The following SV2C variants were observed in gnomAD, a reference collection of about 807,000 sequenced individuals.
The protein encoded by SV2C is solute carrier family 22 member B3.
SV2C carries 49 observed loss-of-function variants against 79.7 expected under a neutral mutation model. That is an observed-to-expected ratio of 0.61 (90% CI 0.49 to 0.78). The LOEUF (loss-of-function observed/expected upper bound fraction) is 0.78. Among genes scored for constraint, SV2C ranks in the 30% least tolerant of loss-of-function variants. The pLI is 0.00. For missense variants in SV2C, 833 were observed against 912.9 expected, an observed-to-expected ratio of 0.91 and a Z score of 1.13; for synonymous variants, 334 against 333.2, an observed-to-expected ratio of 1.00 and a Z score of -0.03.
At chr5:76,325,049 CCAA>C (rs1371467933) in intron 12 of SV2C, among the ~76,000 whole-genome samples, 6 of 152,154 alleles carry the variant, frequency 3.9e-5, no homozygotes, top group Admixed American at 2.6e-4. Context: ...ACCCTTCCTT[CCAA>C]CAACGTTAAA....
At chr5:76,310,640 G>A (rs1748404900) in intron 12 of SV2C, among the ~76,000 whole-genome samples, 1 of 152,232 alleles carries the variant, frequency 6.6e-6, no homozygotes, top group Non-Finnish European at 1.5e-5. Context: ...AGGTAATGGT[G>A]CCAATGGAGG....
intron 4 of SV2C, among the ~76,000 whole-genome samples, chr5:76,263,755 T>A (rs192949166): frequency 6.6e-6 from 1 of 152,336 alleles, no homozygotes; most frequent in African/African-American, 2.4e-5. Flanking sequence ...AATTCTGGGT[T>A]AAAAATTCTT....
chr5:75,913,166 T>C, the SV2C span, among the ~76,000 whole-genome samples: 3 of 152,144 alleles, frequency 2.0e-5, no homozygotes, highest in Non-Finnish European at 2.9e-5. Context: ...CTCCAAATGA[T>C]AGTGTTCTAA....
chr5:76,285,463 TA>T (rs1747323157), intron 5 of SV2C, 168 bp downstream of exon 5: 5 of 955,914 alleles, frequency 5.2e-6, no homozygotes, highest in Non-Finnish European at 7.5e-6. Flanking sequence ...AACCAACATG[TA>T]AAAAAGCTGC....
At chr5:75,981,591 A>C in the SV2C span, among the ~76,000 whole-genome samples, 1 of 152,146 alleles carries the variant, frequency 6.6e-6, no homozygotes, top group Admixed American at 6.5e-5. Context: ...ATATGCCACA[A>C]ACCTGACAAA....
At chr5:76,319,591 C>T (rs893780614) in intron 12 of SV2C, among the ~76,000 whole-genome samples, 1 of 152,154 alleles carries the variant, frequency 6.6e-6, no homozygotes, top group African/African-American at 2.4e-5. Context: ...ACTGCCTTTG[C>T]TTGGTAAATG....
intron 2 of SV2C, among the ~76,000 whole-genome samples, chr5:76,179,876 T>C (rs1743665671): frequency 6.6e-6 from 1 of 152,220 alleles, no homozygotes; most frequent in African/African-American, 2.4e-5. Flanking sequence ...TCTTTAGACA[T>C]TTACTGGAAT....
the SV2C span, among the ~76,000 whole-genome samples, chr5:76,035,000 T>A: frequency 6.6e-6 from 1 of 152,184 alleles, no homozygotes; most frequent in Non-Finnish European, 1.5e-5. Context: ...TTGAGGAATT[T>A]ATCCATTTCT....
At chr5:76,155,942 CAAAAAAA>C (rs56340029) in intron 2 of SV2C, among the ~76,000 whole-genome samples, 3 of 58,068 alleles carry the variant, frequency 5.2e-5, no homozygotes, top group East Asian at 5.3e-4. Context: ...AGGTTTCTCT[CAAAAAAA>C]AAAAAAAAAA....
intron 4 of SV2C, among the ~76,000 whole-genome samples, chr5:76,268,613 C>T (rs1213356890): frequency 6.6e-6 from 1 of 152,162 alleles, no homozygotes; most frequent in African/African-American, 2.4e-5. Context: ...GAGACAAGAA[C>T]GCAAACGCTT....
intron 2 of SV2C, among the ~76,000 whole-genome samples, chr5:76,189,359 G>A (rs1744026407): frequency 6.6e-6 from 1 of 152,032 alleles, no homozygotes; most frequent in African/African-American, 2.4e-5. Flanking sequence ...TTGACCTTAA[G>A]AGGATATCAT....
Position 76,252,450 on chromosome 5 carries a change from T to G in SV2C, c.914-32712T>G, listed in dbSNP as rs186267958. Among the ~76,000 whole-genome samples, 282 of 152,144 alleles carry G rather than the reference T, an allele frequency of 1.9e-3. 2 individuals carry two copies. Among genetic ancestry groups the G allele is most frequent in the African/African-American group, 6.1e-3 (255 of 41,496 alleles). ...GTGATACATTTAAGAAAGTCAATTT[T>G]AAGAAACTCCACATCCATAAGCACT... On this transcript the variant is annotated intron_variant, in intron 4 of 12. Transcript: ENST00000502798.
the SV2C span, among the ~76,000 whole-genome samples, chr5:75,984,538 TA>T: frequency 1.5e-5 from 1 of 65,500 alleles, no homozygotes; most frequent in Non-Finnish European, 4.8e-5. Context: ...TCTATCTGCC[TA>T]TCTATCTATC....
the SV2C span, among the ~76,000 whole-genome samples, chr5:75,862,488 G>A: frequency 6.6e-6 from 1 of 152,214 alleles, no homozygotes; most frequent in Admixed American, 6.5e-5. Flanking sequence ...TCAGGAAAGA[G>A]CTGAATGTCC....
At chr5:75,871,828 TATATATACACACACACACACAC>T in the SV2C span, among the ~76,000 whole-genome samples, 2 of 118,670 alleles carry the variant, frequency 1.7e-5, no homozygotes, top group African/African-American at 6.8e-5. Flanking sequence ...TATATATATA[TATATATACACACACACACACAC>T]ACACACACGT....
At chr5:76,100,263 A>G (rs933169549) in intron 1 of SV2C, among the ~76,000 whole-genome samples, 6 of 152,198 alleles carry the variant, frequency 3.9e-5, no homozygotes, top group Non-Finnish European at 8.8e-5. Flanking sequence ...GCAACTTCAC[A>G]GTATGTAAGA....
chr5:76,086,754 T>G, intron 1 of SV2C, among the ~76,000 whole-genome samples: 1 of 151,940 alleles, frequency 6.6e-6, no homozygotes, highest in East Asian at 1.9e-4. Flanking sequence ...AATTTGGAGG[T>G]TTTTTCTTTA....
At chr5:76,149,422 C>T (rs1749532643) in intron 2 of SV2C, among the ~76,000 whole-genome samples, 1 of 152,170 alleles carries the variant, frequency 6.6e-6, no homozygotes. Flanking sequence ...TTCTGCATGC[C>T]AACAACCTCC....
At chr5:76,233,126 T>C (rs1745483071) in intron 4 of SV2C, among the ~76,000 whole-genome samples, 1 of 140,798 alleles carries the variant, frequency 7.1e-6, no homozygotes, top group East Asian at 1.9e-4. Flanking sequence ...GAGCAGTGGT[T>C]TGTAGTTCTC....
Sources: allele counts gnomAD v4.1 joint callset (sites outside exome capture counted in the v4.1 genomes callset), GRCh38; gene constraint gnomAD v4.1.1; transcripts MANE v1.5; gene names NCBI Gene and HGNC (gene_info 2026-07-23, HGNC 2026-07-21).